Variants in TMEM132C observed in about 807,000 individuals in gnomAD.
The protein encoded by TMEM132C is protein phosphatase 1, regulatory subunit 152.
Under a neutral mutation model 61.4 loss-of-function variants are expected in TMEM132C, and 29 were observed. The ratio of observed to expected loss-of-function variants is 0.47; its 90% CI spans 0.35 to 0.64. The LOEUF (loss-of-function observed/expected upper bound fraction) is 0.64. Among genes scored for constraint, TMEM132C ranks in the 30% least tolerant of loss-of-function variants. The probability of loss-of-function intolerance (pLI) is 0.00; values close to 1 mark genes in which losing one functional copy is unlikely to be tolerated. For synonymous variants in TMEM132C, 656 were observed against 633.1 expected, an observed-to-expected ratio of 1.04 and a Z score of -0.54; for missense variants, 1,408 against 1,476.9, an observed-to-expected ratio of 0.95 and a Z score of 0.76.
chr12:128,405,111 C>A (rs1363840466), intron 1 of TMEM132C, among the ~76,000 whole-genome samples: 1 of 152,070 alleles, frequency 6.6e-6, no homozygotes, highest in African/African-American at 2.4e-5. Flanking sequence ...ACTCAATTAT[C>A]CTATCTTTCT....
chr12:128,614,270 G>T (rs1251868429), intron 3 of TMEM132C, among the ~76,000 whole-genome samples: 1 of 152,200 alleles, frequency 6.6e-6, no homozygotes, highest in Non-Finnish European at 1.5e-5. Flanking sequence ...TTTAGGTTTT[G>T]CAGGCTCTAC....
rs79644301 is a variant in TMEM132C, at chr12:128,322,204, G to A, written c.85+54717G>A. 4.9e-3 allele frequency among the ~76,000 whole-genome samples: 753 copies of A among 152,350 alleles called. 7 individuals carry two copies. The highest frequency in any genetic ancestry group is 0.017 in the African/African-American group (716 of 41,586). ...CTTGCCCTTGGAACCCAGCCACCAT[G>A]TTGTGAGGAAGCTCAAGCCATGTAG... On this transcript the variant is annotated intron_variant, in intron 1 of 8. Transcript: ENST00000435159.
At chr12:128,310,557 G>A (rs1871934710) in intron 1 of TMEM132C, among the ~76,000 whole-genome samples, 1 of 151,958 alleles carries the variant, frequency 6.6e-6, no homozygotes, top group South Asian at 2.1e-4. Flanking sequence ...TTTGCCACAC[G>A]CTATTACACC....
intron 3 of TMEM132C, among the ~76,000 whole-genome samples, chr12:128,567,160 C>G (rs1874730343): frequency 6.6e-6 from 1 of 151,950 alleles, no homozygotes; most frequent in Non-Finnish European, 1.5e-5. Flanking sequence ...TTCTAAGACC[C>G]CATCCAAATC....
At chr12:128,410,732 G>T (rs1030730638) in intron 1 of TMEM132C, among the ~76,000 whole-genome samples, 3 of 152,196 alleles carry the variant, frequency 2.0e-5, no homozygotes, top group African/African-American at 7.2e-5. Flanking sequence ...AAATAAAGAT[G>T]TTCTCTTATA....
In TMEM132C at chr12:128,706,061, C is replaced by A. The variant is rs759602196; in HGVS notation, c.3093C>A (p.Ser1031=). Residue 1031 remains serine, a synonymous_variant, in exon 9 of 9, where the codon TCC becomes TCA. Coordinates refer to ENST00000435159, the MANE Select transcript of TMEM132C (RefSeq NM_001136103.3). ...GCCAGATTCACAGGTCAGCCGACTCCGGGGGGCGGCAGGGCAGAGAACAGA... is the reference window on the plus strand; with the variant it reads ...GCCAGATTCACAGGTCAGCCGACTCAGGGGGGCGGCAGGGCAGAGAACAGA... The part of the protein sequence containing the change: ...VQSQIHRSAD[S]GGRQGREQKQ... 8 of 1,551,562 alleles carry A rather than the reference C, an allele frequency of 5.2e-6. No homozygotes were observed. In the African/African-American group the frequency reaches 1.1e-4, roughly 21 times the overall value.
intron 3 of TMEM132C, among the ~76,000 whole-genome samples, chr12:128,559,689 G>C (rs1225192207): frequency 2.0e-5 from 3 of 152,168 alleles, no homozygotes; most frequent in African/African-American, 7.2e-5. Context: ...TCGTGCTATG[G>C]ATTTTTAGGA....
chr12:128,290,243 A>G (rs78725603), intron 1 of TMEM132C, among the ~76,000 whole-genome samples: 2 of 152,172 alleles, frequency 1.3e-5, no homozygotes, highest in Non-Finnish European at 2.9e-5. Flanking sequence ...GTTGACTCAC[A>G]GTTCTGCAGG....
chr12:128,551,763 C>A (rs1874184475), intron 3 of TMEM132C, among the ~76,000 whole-genome samples: 1 of 152,178 alleles, frequency 6.6e-6, no homozygotes, highest in Non-Finnish European at 1.5e-5. Flanking sequence ...CATCTCCTTT[C>A]CTCGGTCTGC....
At chr12:128,332,718 G>T (rs1250537627) in intron 1 of TMEM132C, among the ~76,000 whole-genome samples, 1 of 152,228 alleles carries the variant, frequency 6.6e-6, no homozygotes, top group Non-Finnish European at 1.5e-5. Context: ...GCCTCCCCTG[G>T]TGTGTCCACT....
At chr12:128,425,619 C>G (rs571441183) in intron 2 of TMEM132C, among the ~76,000 whole-genome samples, 57 of 152,328 alleles carry the variant, frequency 3.7e-4, no homozygotes, top group African/African-American at 1.2e-3. Context: ...TCTCACGTTT[C>G]TAGAGGCCAG....
chr12:128,631,205 C>T (rs77267930), intron 4 of TMEM132C, among the ~76,000 whole-genome samples: 1,618 of 152,272 alleles, frequency 0.011, 28 homozygotes, highest in African/African-American at 0.035. Context: ...CTGGGGACCA[C>T]CAGCTACATG....
intron 1 of TMEM132C, among the ~76,000 whole-genome samples, chr12:128,411,288 C>G (rs914939244): frequency 1.3e-5 from 2 of 152,134 alleles, no homozygotes; most frequent in Non-Finnish European, 2.9e-5. Context: ...TCATGAAACC[C>G]TCACCGGATA....
At chr12:128,304,556 C>T (rs1351643438) in intron 1 of TMEM132C, among the ~76,000 whole-genome samples, 1 of 151,742 alleles carries the variant, frequency 6.6e-6, no homozygotes, top group Non-Finnish European at 1.5e-5. Flanking sequence ...TTTCAATGAG[C>T]CAAGATTGCA....
At chr12:128,353,756 A>G (rs1448682171) in intron 1 of TMEM132C, among the ~76,000 whole-genome samples, 1 of 152,138 alleles carries the variant, frequency 6.6e-6, no homozygotes, top group Non-Finnish European at 1.5e-5. Context: ...CCCGGGTCCC[A>G]CTTTCCTCCT....
intron 4 of TMEM132C, among the ~76,000 whole-genome samples, chr12:128,658,349 C>A (rs1954349698): frequency 1.3e-5 from 2 of 152,370 alleles, no homozygotes; most frequent in African/African-American, 4.8e-5. Flanking sequence ...GTTCCAATTT[C>A]AAAACTGGAC....
At chr12:128,671,546 C>G (rs545748249) in intron 5 of TMEM132C, among the ~76,000 whole-genome samples, 1 of 152,268 alleles carries the variant, frequency 6.6e-6, no homozygotes, top group South Asian at 2.1e-4. Flanking sequence ...AGCCTTCTCT[C>G]TGGTGTTTAA....
At chr12:128,305,827 T>G (rs976345012) in intron 1 of TMEM132C, among the ~76,000 whole-genome samples, 7 of 152,200 alleles carry the variant, frequency 4.6e-5, no homozygotes, top group Non-Finnish European at 1.0e-4. Context: ...CTGGCAGACC[T>G]TTCCAGCATG....
rs551237589 is a variant in TMEM132C at position 128,556,186 on chromosome 12, G to A, written c.1121+12083G>A. Reference sequence around the variant, plus strand: ...GGCCAGATCTGGCATCCCAAGCCTCGATTTGATGTTTGAAATGGTGAAGGG... The same window carrying A: ...GGCCAGATCTGGCATCCCAAGCCTCAATTTGATGTTTGAAATGGTGAAGGG... On this transcript the variant is annotated intron_variant, in intron 3 of 8. Coordinates refer to ENST00000435159, the MANE Select transcript of TMEM132C (RefSeq NM_001136103.3). Among the ~76,000 whole-genome samples the A allele has an allele frequency of 7.2e-5, 11 of 152,286 alleles. No individual in the cohort carries two copies. In the South Asian group the frequency reaches 1.2e-3, roughly 17 times the overall value.
Sources: gnomAD v4.1 joint callset for allele counts (sites outside exome capture counted in the v4.1 genomes callset) on GRCh38, gnomAD v4.1.1 for gene constraint, MANE v1.5 for transcripts, NCBI Gene and HGNC (gene_info 2026-07-23, HGNC 2026-07-21) for gene names.